Variants in SCMH1 observed in about 807,000 individuals in gnomAD.
The protein encoded by SCMH1 is Scm polycomb group protein homolog 1.
A neutral mutation model predicts 70.8 loss-of-function variants in SCMH1; 37 were observed. The ratio of observed to expected loss-of-function variants is 0.52; its 90% CI spans 0.40 to 0.69. The LOEUF (loss-of-function observed/expected upper bound fraction) is 0.69. Among genes scored for constraint, SCMH1 ranks in the 30% least tolerant of loss-of-function variants. The pLI, the probability that SCMH1 is intolerant of heterozygous loss-of-function variation, is 0.00. For missense variants in SCMH1, 607 were observed against 827.3 expected (o/e 0.73, Z 3.27); for synonymous variants, 292 against 307.4 (o/e 0.95, Z 0.52).
At chr1:41,046,992 A>C (rs12406620) in intron 11 of SCMH1, among the ~76,000 whole-genome samples, 2 of 152,160 alleles carry the variant, frequency 1.3e-5, no homozygotes, top group Admixed American at 6.5e-5. Flanking sequence ...AGAAGAGTAG[A>C]ATATAGCCAT....
At chr1:41,241,453 C>A (rs1323257338) in intron 1 of SCMH1, among the ~76,000 whole-genome samples, 2 of 152,098 alleles carry the variant, frequency 1.3e-5, no homozygotes, top group Non-Finnish European at 2.9e-5. Flanking sequence ...GGGGCCCAGC[C>A]CCCAGGACGC....
intron 1 of SCMH1, among the ~76,000 whole-genome samples, chr1:41,199,488 A>C (rs778133815): frequency 6.6e-6 from 1 of 152,144 alleles, no homozygotes; most frequent in Non-Finnish European, 1.5e-5. Flanking sequence ...TTTATTACTT[A>C]ACTTAAAGCA....
At chr1:41,238,426 TA>T (rs1175529673) in intron 1 of SCMH1, among the ~76,000 whole-genome samples, 1 of 151,942 alleles carries the variant, frequency 6.6e-6, no homozygotes, top group Admixed American at 6.6e-5. Context: ...GAAGGAAAAG[TA>T]AAAAAACTAT....
chr1:41,226,304 A>G (rs956002309), intron 1 of SCMH1, among the ~76,000 whole-genome samples: 8 of 152,218 alleles, frequency 5.3e-5, no homozygotes, highest in Admixed American at 2.0e-4. Flanking sequence ...AGGGATGATA[A>G]ATGCCCTAGA....
intron 1 of SCMH1, among the ~76,000 whole-genome samples, chr1:41,236,658 AT>A (rs1201591388): frequency 6.6e-6 from 1 of 152,176 alleles, no homozygotes; most frequent in Non-Finnish European, 1.5e-5. Context: ...AATTCCAGGG[AT>A]GATCGGATCC....
At chr1:41,192,978 C>G (rs1451154950) in intron 1 of SCMH1, among the ~76,000 whole-genome samples, 4 of 152,208 alleles carry the variant, frequency 2.6e-5, no homozygotes, top group South Asian at 2.1e-4. Context: ...ACTCTGTTAT[C>G]ATAGCATTAA....
intron 6 of SCMH1, among the ~76,000 whole-genome samples, chr1:41,131,727 T>C (rs1674775496): frequency 6.6e-6 from 1 of 152,090 alleles, no homozygotes; most frequent in Non-Finnish European, 1.5e-5. Context: ...CAGCAGGCCC[T>C]GGTGTGTGAT....
At chr1:41,109,506 G>A (rs1668756242) in intron 8 of SCMH1, among the ~76,000 whole-genome samples, 1 of 152,170 alleles carries the variant, frequency 6.6e-6, no homozygotes, top group Non-Finnish European at 1.5e-5. Flanking sequence ...CCAGGACATG[G>A]AGACTGCTGG....
intron 1 of SCMH1, among the ~76,000 whole-genome samples, chr1:41,200,670 C>T (rs1367140009): frequency 5.3e-5 from 8 of 151,766 alleles, no homozygotes; most frequent in Non-Finnish European, 1.2e-4. Context: ...GGGTATGATC[C>T]ATTTTAAAAT....
intron 10 of SCMH1, 105 bp downstream of exon 10, chr1:41,070,490 C>A: frequency 2.2e-6 from 3 of 1,370,098 alleles, no homozygotes; most frequent in South Asian, 1.7e-5. Flanking sequence ...AATATTTTAC[C>A]TAGGTTTACA....
chr1:41,233,485 T>C (rs1661712771), intron 1 of SCMH1, among the ~76,000 whole-genome samples: 1 of 152,184 alleles, frequency 6.6e-6, no homozygotes, highest in African/African-American at 2.4e-5. Context: ...CTTTCGATCA[T>C]GTTAATATAT....
chr1:41,180,071 A>G (rs1408077839), intron 2 of SCMH1, among the ~76,000 whole-genome samples: 1 of 152,250 alleles, frequency 6.6e-6, no homozygotes, highest in African/African-American at 2.4e-5. Context: ...TATGCAAATC[A>G]ATAAATGTAA....
intron 8 of SCMH1, among the ~76,000 whole-genome samples, chr1:41,088,914 A>T (rs962955768): frequency 2.6e-5 from 4 of 152,238 alleles, no homozygotes; most frequent in African/African-American, 9.6e-5. Flanking sequence ...AATGATGGGC[A>T]TGTCCCAGGA....
intron 5 of SCMH1, among the ~76,000 whole-genome samples, chr1:41,149,173 T>C (rs749257511): frequency 1.3e-5 from 2 of 152,206 alleles, no homozygotes; most frequent in African/African-American, 2.4e-5. Context: ...CCTCTGGGAC[T>C]CCAATTACAC....
intron 8 of SCMH1, among the ~76,000 whole-genome samples, chr1:41,106,295 A>G (rs1667897318): frequency 6.6e-6 from 1 of 151,658 alleles, no homozygotes; most frequent in Non-Finnish European, 1.5e-5. Context: ...TGGATTCCTC[A>G]GGGTGTGGTT....
At chr1:41,106,683 T>C (rs1668009713) in intron 8 of SCMH1, among the ~76,000 whole-genome samples, 1 of 151,736 alleles carries the variant, frequency 6.6e-6, no homozygotes, top group African/African-American at 2.4e-5. Context: ...ATCTAGCCAT[T>C]TTCTTTTTTC....
Position 41,214,504 on chromosome 1 carries a change from A to G in SCMH1, c.-118+27555T>C, listed in dbSNP as rs72947922. On this transcript the variant is annotated intron_variant, in intron 1 of 14. Transcript: ENST00000337495. Reference sequence around the variant, plus strand: ...TGAAATTAGGATCTAGATCTGATTCATTTCTACATTCTTTGAAACAGGGCC... The same window carrying G: ...TGAAATTAGGATCTAGATCTGATTCGTTTCTACATTCTTTGAAACAGGGCC... 4.0e-3 allele frequency among the ~76,000 whole-genome samples: 608 copies of G among 152,230 alleles called. 4 individuals are homozygous for G. Among genetic ancestry groups the G allele is most frequent in the African/African-American group, 0.013 (558 of 41,556 alleles).
intron 6 of SCMH1, among the ~76,000 whole-genome samples, chr1:41,139,948 C>G (rs1472609234): frequency 1.3e-5 from 2 of 151,888 alleles, no homozygotes; most frequent in African/African-American, 4.8e-5. Flanking sequence ...TAAAATGAAG[C>G]AAATGAACCT....
chr1:41,117,765 T>C (rs144185613), intron 6 of SCMH1, among the ~76,000 whole-genome samples: 1 of 150,062 alleles, frequency 6.7e-6, no homozygotes, highest in African/African-American at 2.4e-5. Flanking sequence ...CTCTCTCTCC[T>C]CTCTCTCTCT....
Sources: gnomAD v4.1 joint callset for allele counts (sites outside exome capture counted in the v4.1 genomes callset) on GRCh38, gnomAD v4.1.1 for gene constraint, MANE v1.5 for transcripts, NCBI Gene and HGNC (gene_info 2026-07-23, HGNC 2026-07-21) for gene names.